The following ARID1B variants were observed in gnomAD, a reference collection of about 807,000 sequenced individuals.
ARID1B encodes AT-rich interactive domain-containing protein 1B.
In ARID1B, 30 loss-of-function variants were observed where a neutral mutation model predicts 212.3. The ratio of observed to expected loss-of-function variants is 0.14; its 90% CI spans 0.11 to 0.19. The LOEUF is 0.19. ARID1B is among the 10% of genes least tolerant of loss of function. The pLI, the probability that ARID1B is intolerant of heterozygous loss-of-function variation, is 1.00. For synonymous variants in ARID1B, 1,402 were observed against 1,301.7 expected, an observed-to-expected ratio of 1.08 and a Z score of -1.66; for missense variants, 2,891 against 3,204.0, an observed-to-expected ratio of 0.90 and a Z score of 2.36.
At chr6:157,199,458 C>A (rs1460245723) in intron 17 of ARID1B, among the ~76,000 whole-genome samples, 1 of 152,026 alleles carries the variant, frequency 6.6e-6, no homozygotes, top group Non-Finnish European at 1.5e-5. Context: ...TTACAGTGAC[C>A]AGTGCCGCTG....
At chr6:156,893,051 T>TGTTTTTTG (rs201418007) in intron 2 of ARID1B, among the ~76,000 whole-genome samples, 1 of 138,396 alleles carries the variant, frequency 7.2e-6, no homozygotes, top group Non-Finnish European at 1.5e-5. Context: ...CTTCCTTTTT[T>TGTTTTTTG]TTTTTTTTTG....
intron 19 of ARID1B, chr6:157,204,230 CTG>C (rs1451228946): frequency 2.2e-6 from 1 of 460,374 alleles, no homozygotes; most frequent in South Asian, 3.0e-5. Flanking sequence ...AGAACAGTGA[CTG>C]TGTGTGTATG....
intron 4 of ARID1B, among the ~76,000 whole-genome samples, chr6:156,957,954 C>G (rs976332557): frequency 4.6e-5 from 7 of 152,198 alleles, no homozygotes; most frequent in African/African-American, 7.2e-5. Flanking sequence ...TCCTCTTAGA[C>G]TTAATTCATT....
chr6:156,829,363 T>C lies in ARID1B; in HGVS notation c.1928T>C (p.Ile643Thr), dbSNP rs756050584. The part of the protein sequence containing the change: ...YGPPGPQRYP[I>T]GIQGRTPGAM... ...CCTCCAGGCCCACAGCGGTATCCAA[T>C]TGGCATCCAGGGTCGGACTCCCGGG... Residue 643 changes from isoleucine (I) to threonine (T), a missense_variant, in exon 2 of 20, where the codon ATT becomes ACT. This residue lies in a region of ARID1B where 1,643 missense variants were observed against 1,544.0 expected (regional missense o/e 1.06). Transcript: ENST00000636930. The C allele has an allele frequency of 1.4e-4, 226 of 1,614,048 alleles. No homozygotes were observed. The highest frequency in any genetic ancestry group is 3.3e-4 in the Middle Eastern group (2 of 6,084).
At chr6:156,811,107 C>T (rs9480390) in intron 1 of ARID1B, among the ~76,000 whole-genome samples, 2,425 of 152,226 alleles carry the variant, frequency 0.016, 53 homozygotes, top group South Asian at 0.097. Flanking sequence ...TTCTTCAATG[C>T]CACCAGCAGA....
chr6:157,103,198 GA>G (rs1786200953), intron 5 of ARID1B, among the ~76,000 whole-genome samples: 1 of 151,894 alleles, frequency 6.6e-6, no homozygotes, highest in Non-Finnish European at 1.5e-5. Context: ...GAGTTACAAA[GA>G]TCTAATTATC....
chr6:156,896,648 A>G (rs954170405), intron 2 of ARID1B, among the ~76,000 whole-genome samples: 2 of 150,850 alleles, frequency 1.3e-5, no homozygotes, highest in African/African-American at 4.9e-5. Flanking sequence ...TGGGAGGCCA[A>G]GGCAGGTGGA....
At chr6:157,067,890 A>G (rs1783779118) in intron 4 of ARID1B, among the ~76,000 whole-genome samples, 1 of 152,074 alleles carries the variant, frequency 6.6e-6, no homozygotes, top group South Asian at 2.1e-4. Context: ...AGTTAATTCC[A>G]CAGTCAACAA....
At chr6:157,083,691 T>C (rs574139266) in intron 4 of ARID1B, among the ~76,000 whole-genome samples, 4 of 152,298 alleles carry the variant, frequency 2.6e-5, no homozygotes, top group Admixed American at 6.5e-5. Flanking sequence ...TGATAAAATA[T>C]AGATGGCATT....
intron 4 of ARID1B, among the ~76,000 whole-genome samples, chr6:157,013,706 C>T (rs1024520040): frequency 1.3e-5 from 2 of 152,234 alleles, no homozygotes; most frequent in Non-Finnish European, 2.9e-5. Flanking sequence ...AACGCAATCT[C>T]ATGGACTTAC....
At chr6:156,972,981 A>C (rs1404022835) in intron 4 of ARID1B, among the ~76,000 whole-genome samples, 1 of 152,252 alleles carries the variant, frequency 6.6e-6, no homozygotes, top group Non-Finnish European at 1.5e-5. Context: ...TAGTTAACAC[A>C]TGGTAGTTTA....
intron 10 of ARID1B, chr6:157,174,331 G>A (rs1261464450): frequency 1.7e-5 from 8 of 482,452 alleles, no homozygotes; most frequent in South Asian, 8.9e-5. Flanking sequence ...ATTAACTCAC[G>A]GTTGGGGGAG....
chr6:157,043,720 T>G (rs1030896113), intron 4 of ARID1B, among the ~76,000 whole-genome samples: 3 of 152,240 alleles, frequency 2.0e-5, no homozygotes, highest in Non-Finnish European at 4.4e-5. Flanking sequence ...TCTCCTGTTA[T>G]CTGGGCTAAT....
intron 4 of ARID1B, among the ~76,000 whole-genome samples, chr6:157,033,042 A>T (rs955386973): frequency 6.6e-6 from 1 of 152,236 alleles, no homozygotes; most frequent in East Asian, 1.9e-4. Context: ...ACTGTTACAA[A>T]CAACTCCAGT....
intron 2 of ARID1B, among the ~76,000 whole-genome samples, chr6:156,887,330 A>G (rs1787593956): frequency 6.6e-6 from 1 of 152,202 alleles, no homozygotes; most frequent in Non-Finnish European, 1.5e-5. Flanking sequence ...TCTCAGAGGA[A>G]GAAATTTAAG....
chr6:156,837,835 C>G (rs1171968388), intron 2 of ARID1B, among the ~76,000 whole-genome samples: 1 of 152,210 alleles, frequency 6.6e-6, no homozygotes, highest in African/African-American at 2.4e-5. Context: ...TTAATCCAGG[C>G]TTCCTCAGGC....
chr6:157,146,318 T>A (rs900692521), intron 7 of ARID1B, among the ~76,000 whole-genome samples: 2 of 152,148 alleles, frequency 1.3e-5, no homozygotes, highest in Non-Finnish European at 2.9e-5. Flanking sequence ...ATTATCTGTT[T>A]TACAGAGAAG....
Position 157,174,103 on chromosome 6 carries a change from G to A in ARID1B, c.3331G>A (p.Glu1111Lys), listed in dbSNP as rs570798143. ...CAAAGAAGAAGGCACTCCACAGCCC[G>A]AGAGCAAGTCAAAGGTACTTCCTTC... The part of the protein sequence containing the change: ...DGKEEGTPQP[E>K]SKSKDSYSSQ... The change falls in exon 10 of 20, where the codon GAG becomes AAG. Residue 1111 changes from glutamate (E) to lysine (K), a missense_variant. Around this residue, in one of 7 missense-constraint regions of ARID1B, gnomAD observed 1,643 missense variants for 1,544.0 expected, o/e 1.06. Coordinates refer to ENST00000636930, the MANE Select transcript of ARID1B (RefSeq NM_001374828.1). The A allele has an allele frequency of 1.2e-6, 2 of 1,614,124 alleles. No homozygotes were observed. The highest frequency in any genetic ancestry group is 2.2e-5 in the East Asian group (1 of 44,892).
At chr6:156,861,094 T>A (rs984242500) in intron 2 of ARID1B, among the ~76,000 whole-genome samples, 1 of 152,180 alleles carries the variant, frequency 6.6e-6, no homozygotes, top group African/African-American at 2.4e-5. Flanking sequence ...ACTGGTTGTA[T>A]GAAAGGTAGA....
Sources: allele counts gnomAD v4.1 joint callset (sites outside exome capture counted in the v4.1 genomes callset), GRCh38; gene constraint gnomAD v4.1.1; regional missense constraint gnomAD v4.1.1; transcripts MANE v1.5; gene names NCBI Gene and HGNC (gene_info 2026-07-23, HGNC 2026-07-21).